Variants in RAB11FIP4 observed in about 807,000 individuals in gnomAD.
RAB11FIP4 encodes rab11 family-interacting protein 4.
In RAB11FIP4, 23 loss-of-function variants were observed where a neutral mutation model predicts 74.3. The observed-to-expected ratio is 0.31, with a 90% CI of 0.22 to 0.44. RAB11FIP4 has a LOEUF of 0.44. RAB11FIP4 is among the 20% of genes least tolerant of loss of function. The pLI is 1.00. For missense variants in RAB11FIP4, 630 were observed against 863.9 expected, an observed-to-expected ratio of 0.73 and a Z score of 3.39; for synonymous variants, 360 against 359.9, an observed-to-expected ratio of 1.00 and a Z score of 0.00.
chr17:31,394,619 A>ATTTCGTCTTGTTCATTTCATCACAT (rs1448514732), intron 1 of RAB11FIP4, among the ~76,000 whole-genome samples: 2 of 151,946 alleles, frequency 1.3e-5, no homozygotes, highest in Admixed American at 1.3e-4. Context: ...TTCCCATTTA[A>ATTTCGTCTTGTTCATTTCATCACAT]TTTCGTCTTG....
intron 1 of RAB11FIP4, among the ~76,000 whole-genome samples, chr17:31,402,232 C>CCATCCAT (rs57785883): frequency 0.034 from 5,115 of 150,044 alleles, 103 homozygotes; most frequent in Non-Finnish European, 0.037. Context: ...CATCCATCCA[C>CCATCCAT]CCACCATCTA....
At chr17:31,462,499 A>T (rs2071643266) in intron 3 of RAB11FIP4, among the ~76,000 whole-genome samples, 1 of 152,168 alleles carries the variant, frequency 6.6e-6, no homozygotes, top group African/African-American at 2.4e-5. Context: ...GCACAGGGAG[A>T]ACAAGGGACT....
intron 3 of RAB11FIP4, among the ~76,000 whole-genome samples, chr17:31,480,171 G>T (rs928483921): frequency 6.6e-6 from 1 of 151,958 alleles, no homozygotes; most frequent in Non-Finnish European, 1.5e-5. Flanking sequence ...TGCTCCACAC[G>T]GCCTCTCACC....
At chr17:31,418,463 A>ATT (rs71142049) in intron 1 of RAB11FIP4, among the ~76,000 whole-genome samples, 85,155 of 134,014 alleles carry the variant, frequency 0.64, 30,532 homozygotes, top group Non-Finnish European at 0.78. Context: ...AGTTCCCTTG[A>ATT]TTTTTTTTTT....
intron 1 of RAB11FIP4, among the ~76,000 whole-genome samples, chr17:31,403,592 G>T (rs981823991): frequency 1.3e-5 from 2 of 152,040 alleles, no homozygotes; most frequent in Non-Finnish European, 2.9e-5. Flanking sequence ...AAAGTCCTGG[G>T]GTTACAGGCA....
intron 1 of RAB11FIP4, among the ~76,000 whole-genome samples, chr17:31,409,362 T>A (rs370318750): frequency 6.6e-6 from 1 of 152,304 alleles, no homozygotes; most frequent in South Asian, 2.1e-4. Context: ...CCAGCATCTA[T>A]TAAATGTTTC....
At chr17:31,450,320 C>CTTT (rs2071512680) in intron 3 of RAB11FIP4, among the ~76,000 whole-genome samples, 1 of 105,592 alleles carries the variant, frequency 9.5e-6, no homozygotes, top group East Asian at 3.0e-4. Flanking sequence ...CCGCCACCGG[C>CTTT]TTTATTATTA....
At chr17:31,528,283 G>C in intron 11 of RAB11FIP4, 123 bp from the exon 12 acceptor site, 1 of 1,126,828 alleles carries the variant, frequency 8.9e-7, no homozygotes, top group Non-Finnish European at 1.2e-6. Flanking sequence ...CTCCGTCTAA[G>C]GGAGCTGGTT....
chr17:31,398,018 G>A (rs1168294672), intron 1 of RAB11FIP4, among the ~76,000 whole-genome samples: 2 of 152,040 alleles, frequency 1.3e-5, no homozygotes, highest in Non-Finnish European at 1.5e-5. Context: ...GGCACTGCAA[G>A]TATATGCCAC....
At chr17:31,497,500 G>A (rs2072139751) in intron 3 of RAB11FIP4, among the ~76,000 whole-genome samples, 1 of 152,194 alleles carries the variant, frequency 6.6e-6, no homozygotes, top group African/African-American at 2.4e-5. Context: ...ACAGGGGCCT[G>A]TGTGAGCAGG....
At chr17:31,430,900 G>A (rs1160430150) in intron 1 of RAB11FIP4, among the ~76,000 whole-genome samples, 2 of 152,174 alleles carry the variant, frequency 1.3e-5, no homozygotes, top group Non-Finnish European at 2.9e-5. Flanking sequence ...GCAGTGGCAG[G>A]AAGGGAGGGA....
intron 3 of RAB11FIP4, among the ~76,000 whole-genome samples, chr17:31,468,274 A>C (rs1001887559): frequency 8.5e-5 from 13 of 152,104 alleles, no homozygotes; most frequent in African/African-American, 2.9e-4. Context: ...TCAGACCCCC[A>C]CACACATGCA....
At chr17:31,473,404 A>G (rs2071759089) in intron 3 of RAB11FIP4, among the ~76,000 whole-genome samples, 1 of 149,524 alleles carries the variant, frequency 6.7e-6, no homozygotes, top group African/African-American at 2.5e-5. Flanking sequence ...TTAGCTGGGC[A>G]TGGTGGCATG....
At chr17:31,472,981 C>T (rs568068930) in intron 3 of RAB11FIP4, among the ~76,000 whole-genome samples, 7 of 151,308 alleles carry the variant, frequency 4.6e-5, no homozygotes, top group African/African-American at 7.3e-5. Context: ...TGCAGTGAGC[C>T]GAGATTATGC....
At chr17:31,436,891 C>T (rs1446207418) in intron 3 of RAB11FIP4, among the ~76,000 whole-genome samples, 1 of 151,494 alleles carries the variant, frequency 6.6e-6, no homozygotes, top group African/African-American at 2.4e-5. Context: ...GGGTTCATGC[C>T]ATTCTCCTGC....
rs2072466581 is a variant in RAB11FIP4, at chr17:31,512,326, C to G, written c.337-5325C>G. Among the ~76,000 whole-genome samples, 1 of 152,136 alleles carries G rather than the reference C, an allele frequency of 6.6e-6. No homozygotes were observed. Among genetic ancestry groups the G allele is most frequent in the Non-Finnish European group, 1.5e-5 (1 of 68,010 alleles). On this transcript the variant is annotated intron_variant, in intron 3 of 14. Transcript: ENST00000621161. This position sits in a 1 kb window ranked among gnomAD's most constrained non-coding sequence, Gnocchi z 4.1. ...TGGCCCCATTCTGTAGGTGAGGAGC[C>G]AGGTGCTCACAAAGGTGGTCACTTG...
intron 3 of RAB11FIP4, among the ~76,000 whole-genome samples, chr17:31,485,993 T>C (rs1229230985): frequency 6.6e-6 from 1 of 152,028 alleles, no homozygotes; most frequent in African/African-American, 2.4e-5. Context: ...CCTAGCACTT[T>C]GGGAGGCCAA....
At chr17:31,517,191 C>CGGGGG (rs537395833) in intron 3 of RAB11FIP4, among the ~76,000 whole-genome samples, 5 of 42,690 alleles carry the variant, frequency 1.2e-4, no homozygotes, top group Admixed American at 2.2e-4. Flanking sequence ...GGAGGCGGTG[C>CGGGGG]GGGGGGGGGG....
intron 3 of RAB11FIP4, among the ~76,000 whole-genome samples, chr17:31,504,778 G>A (rs1272368364): frequency 6.6e-6 from 1 of 152,082 alleles, no homozygotes; most frequent in Non-Finnish European, 1.5e-5. Flanking sequence ...ACAGCTGGTG[G>A]TGGTTTGTTT....
Sources: gnomAD v4.1 joint callset for allele counts (sites outside exome capture counted in the v4.1 genomes callset) on GRCh38, gnomAD v4.1.1 for gene constraint, Gnocchi (gnomAD v3.1) non-coding constraint, MANE v1.5 for transcripts, NCBI Gene and HGNC (gene_info 2026-07-23, HGNC 2026-07-21) for gene names.